Variants in ZNF804A observed in about 807,000 individuals in gnomAD.
ZNF804A encodes zinc finger protein 804A.
ZNF804A carries 2 observed loss-of-function variants against 16.5 expected under a neutral mutation model. That is an observed-to-expected ratio of 0.12 (90% CI 0.05 to 0.38). The LOEUF (loss-of-function observed/expected upper bound fraction) is 0.38. ZNF804A is among the 10% of genes least tolerant of loss of function. ZNF804A has a pLI of 0.99. For missense variants in ZNF804A, 1,473 were observed against 1,390.7 expected, an observed-to-expected ratio of 1.06 and a Z score of -0.94; for synonymous variants, 534 against 489.6, an observed-to-expected ratio of 1.09 and a Z score of -1.20.
intron 1 of ZNF804A, among the ~76,000 whole-genome samples, chr2:184,845,588 G>T (rs575010365): frequency 8.5e-5 from 13 of 152,102 alleles, no homozygotes; most frequent in Non-Finnish European, 1.8e-4. Context: ...CTGGAACAAA[G>T]TAATTGAATT....
chr2:184,826,214 C>T (rs1286179880), intron 1 of ZNF804A, among the ~76,000 whole-genome samples: 1 of 152,016 alleles, frequency 6.6e-6, no homozygotes, highest in African/African-American at 2.4e-5. Context: ...TGGAATGTGA[C>T]ATTTTCTATA....
rs1333710911 is a variant in ZNF804A at position 184,937,485 on chromosome 2, A to ACAG, written c.2091_2092insGCA (p.Thr697_Ile698insAla). On this transcript the variant is annotated inframe_insertion, in exon 4 of 4. Transcript: ENST00000302277. ...TTCTAAAAACCACTGTAAAAAGAAC[A>ACAG]CAATACTTTTAAATGGACAATCAAA... is the stretch of plus-strand genomic sequence containing the variant. 1 of 1,509,484 alleles carries ACAG rather than the reference A, an allele frequency of 6.6e-7. No individual in the cohort carries two copies. Among genetic ancestry groups the ACAG allele is most frequent in the South Asian group, 1.1e-5 (1 of 87,178 alleles). The allele number at this position is 1,509,484 out of a possible 1,614,324, so 93.5% of individuals were successfully genotyped here.
intron 1 of ZNF804A, among the ~76,000 whole-genome samples, chr2:184,774,488 A>G (rs1034633007): frequency 2.0e-5 from 3 of 151,738 alleles, no homozygotes; most frequent in African/African-American, 7.3e-5. Context: ...AAGTGGAGAA[A>G]GTGGAACATC....
intron 1 of ZNF804A, among the ~76,000 whole-genome samples, chr2:184,820,822 A>AC (rs1329251097): frequency 6.6e-6 from 1 of 152,018 alleles, no homozygotes; most frequent in Non-Finnish European, 1.5e-5. Context: ...CACAACTGCT[A>AC]CAAAAATAAT....
intron 1 of ZNF804A, among the ~76,000 whole-genome samples, chr2:184,652,654 A>G (rs974247164): frequency 1.2e-4 from 18 of 152,080 alleles, no homozygotes; most frequent in African/African-American, 4.3e-4. Context: ...CTTTCTAAGC[A>G]TATTTCCTCC....
At chr2:184,836,080 A>G (rs184610627) in intron 1 of ZNF804A, among the ~76,000 whole-genome samples, 1,360 of 120,100 alleles carry the variant, frequency 0.011, 23 homozygotes, top group African/African-American at 0.053. Context: ...TCCTTTCCCT[A>G]TCTATAAATG....
chr2:184,863,052 G>A (rs1323675000), intron 1 of ZNF804A, among the ~76,000 whole-genome samples: 5 of 152,114 alleles, frequency 3.3e-5, no homozygotes, highest in Non-Finnish European at 5.9e-5. Flanking sequence ...TGAGTAAGAT[G>A]AAAGGGTATG....
At chr2:184,899,283 A>G (rs1209337819) in intron 2 of ZNF804A, among the ~76,000 whole-genome samples, 1 of 152,030 alleles carries the variant, frequency 6.6e-6, no homozygotes, top group Non-Finnish European at 1.5e-5. Context: ...TTTTAACAAT[A>G]GGCAGATCAC....
chr2:184,598,792 C>A lies in ZNF804A; in HGVS notation c.-168C>A. 2.6e-6 allele frequency: 1 copy of A among 391,444 alleles called. No homozygotes were observed. The highest frequency in any genetic ancestry group is 8.9e-5 in the South Asian group (1 of 11,194). The allele number at this position is 391,444 out of a possible 1,614,324, so 24.2% of individuals were successfully genotyped here. A position where few individuals can be genotyped will look rare whatever the true frequency, so the allele number is the denominator to read the frequency against. Reference sequence around the variant, plus strand: ...ATGCGGAGGCGGGGGAGCCTCGGCGCTCACCACAGAGGGGTGCAGTGAGCC... The same window carrying A: ...ATGCGGAGGCGGGGGAGCCTCGGCGATCACCACAGAGGGGTGCAGTGAGCC... On this transcript the variant is annotated 5_prime_UTR_variant, in exon 1 of 4. Coordinates refer to ENST00000302277, the MANE Select transcript of ZNF804A (RefSeq NM_194250.2).
chr2:184,635,445 A>G (rs1001482408), intron 1 of ZNF804A, among the ~76,000 whole-genome samples: 9 of 152,136 alleles, frequency 5.9e-5, no homozygotes, highest in African/African-American at 2.2e-4. Context: ...ACTTGCATAG[A>G]CAGTCAGTAT....
intron 2 of ZNF804A, among the ~76,000 whole-genome samples, chr2:184,888,664 G>T (rs544205759): frequency 6.6e-6 from 1 of 152,052 alleles, no homozygotes; most frequent in Non-Finnish European, 1.5e-5. Context: ...AGTTCTAAAT[G>T]CTGCCTAGAA....
intron 1 of ZNF804A, among the ~76,000 whole-genome samples, chr2:184,655,812 T>A (rs1278653031): frequency 6.6e-6 from 1 of 151,810 alleles, no homozygotes; most frequent in Non-Finnish European, 1.5e-5. Context: ...ACAATTACCA[T>A]AAAAAAGAAA....
intron 1 of ZNF804A, among the ~76,000 whole-genome samples, chr2:184,603,396 G>A (rs969455961): frequency 6.6e-5 from 10 of 152,180 alleles, no homozygotes; most frequent in African/African-American, 2.4e-4. Flanking sequence ...AAAAAATTCT[G>A]TGTTATTTCC....
chr2:184,822,599 G>C (rs1695101098), intron 1 of ZNF804A, among the ~76,000 whole-genome samples: 1 of 152,070 alleles, frequency 6.6e-6, no homozygotes, highest in Non-Finnish European at 1.5e-5. Context: ...GTGTCTAAGA[G>C]TACCTCTTGA....
At chr2:184,604,140 C>T (rs1419633088) in intron 1 of ZNF804A, among the ~76,000 whole-genome samples, 1 of 97,044 alleles carries the variant, frequency 1.0e-5, no homozygotes, top group East Asian at 3.1e-4. Flanking sequence ...TGGATGACTG[C>T]AATTACTTTT....
chr2:184,855,637 CAT>C (rs755002839), intron 1 of ZNF804A, among the ~76,000 whole-genome samples: 3 of 149,008 alleles, frequency 2.0e-5, no homozygotes, highest in African/African-American at 4.9e-5. Flanking sequence ...CACACACACA[CAT>C]ATAAAGCACT....
intron 2 of ZNF804A, among the ~76,000 whole-genome samples, chr2:184,895,905 A>C (rs1387429265): frequency 6.6e-6 from 1 of 152,158 alleles, no homozygotes; most frequent in African/African-American, 2.4e-5. Context: ...TTTCATTTTA[A>C]AAATATATAT....
intron 2 of ZNF804A, among the ~76,000 whole-genome samples, chr2:184,897,851 G>A (rs1026471487): frequency 7.9e-5 from 12 of 151,884 alleles, no homozygotes; most frequent in Non-Finnish European, 1.8e-4. Flanking sequence ...TCTTTAGGAC[G>A]CTAGAGTATG....
Position 184,598,857 on chromosome 2 carries a change from G to A in ZNF804A, c.-103G>A, listed in dbSNP as rs1408864620. ...GTGCCGGGGGTGGCTGCGTGCCCTC[G>A]TGGCGGGTTCCCAGCCCACCGTCGC... On this transcript the variant is annotated 5_prime_UTR_variant, in exon 1 of 4. It adds an upstream start codon to the 5' untranslated region. Coordinates refer to ENST00000302277, the MANE Select transcript of ZNF804A (RefSeq NM_194250.2). 1 of 598,528 alleles carries A rather than the reference G, an allele frequency of 1.7e-6. No individual in the cohort carries two copies. Among genetic ancestry groups the A allele is most frequent in the African/African-American group, 2.0e-5 (1 of 50,154 alleles). The allele number at this position is 598,528 out of a possible 1,614,324, so 37.1% of individuals were successfully genotyped here. A position where few individuals can be genotyped will look rare whatever the true frequency, so the allele number is the denominator to read the frequency against.
Sources: gnomAD v4.1 joint callset for allele counts (sites outside exome capture counted in the v4.1 genomes callset) on GRCh38, gnomAD v4.1.1 for gene constraint, MANE v1.5 for transcripts, NCBI Gene and HGNC (gene_info 2026-07-23, HGNC 2026-07-21) for gene names.